The following MYCBP2 variants were observed in gnomAD, a reference collection of about 807,000 sequenced individuals.
MYCBP2 encodes E3 ubiquitin-protein ligase MYCBP2.
Under a neutral mutation model 525.3 loss-of-function variants are expected in MYCBP2, and 120 were observed. That is an observed-to-expected ratio of 0.23 (90% CI 0.20 to 0.27). The LOEUF is 0.27. Among genes scored for constraint, MYCBP2 ranks in the 10% least tolerant of loss-of-function variants. The probability of loss-of-function intolerance (pLI) is 1.00; values close to 1 mark genes in which losing one functional copy is unlikely to be tolerated. For synonymous variants in MYCBP2, 1,894 were observed against 1,955.8 expected (o/e 0.97, Z 0.83); for missense variants, 4,149 against 5,657.1 (o/e 0.73, Z 8.55).
chr13:77,069,689 T>C (rs183001190), intron 69 of MYCBP2, among the ~76,000 whole-genome samples: 16,452 of 132,566 alleles, frequency 0.12, 1,140 homozygotes, highest in Admixed American at 0.23. Flanking sequence ...ACCCCGTCTG[T>C]ACTAAAAAAA....
chr13:77,249,949 C>T (rs887438483), intron 15 of MYCBP2, among the ~76,000 whole-genome samples: 2 of 152,094 alleles, frequency 1.3e-5, no homozygotes, highest in East Asian at 1.9e-4. Flanking sequence ...CATGGCCGGG[C>T]GCGGTGGCTC....
In MYCBP2 at chr13:77,140,137, A is replaced by G. The variant is rs145213353; in HGVS notation, c.7428T>C (p.Ser2476=). The G allele has an allele frequency of 5.0e-5, 81 of 1,611,128 alleles. No homozygotes were observed. In the African/African-American group the frequency reaches 9.1e-4, roughly 18 times the overall value. Residue 2476 remains serine, a synonymous_variant, in exon 51 of 83, where the codon AGT becomes AGC. Coordinates refer to ENST00000544440, the MANE Select transcript of MYCBP2 (RefSeq NM_015057.5). ...GGTGGCTACGGATGCGAAGCCCCGC[A>G]CTGTCCTTGGCCACAAATTTTCGAA... The part of the protein sequence containing the change: ...NKVRKFVAKD[S]AGLRIRSHPS...
intron 18 of MYCBP2, among the ~76,000 whole-genome samples, chr13:77,226,695 C>A (rs1314518224): frequency 6.6e-6 from 1 of 152,096 alleles, no homozygotes; most frequent in Admixed American, 6.5e-5. Context: ...TTTTACCTAA[C>A]CTTTAGTAAC....
At chr13:77,198,803 A>G (rs1162348541) in intron 26 of MYCBP2, among the ~76,000 whole-genome samples, 2 of 152,180 alleles carry the variant, frequency 1.3e-5, no homozygotes, top group Non-Finnish European at 2.9e-5. Context: ...TACTACATCA[A>G]AATGTCCCTA....
At chr13:77,115,900 A>T (rs1183849997) in intron 55 of MYCBP2, among the ~76,000 whole-genome samples, 1 of 151,700 alleles carries the variant, frequency 6.6e-6, no homozygotes, top group Non-Finnish European at 1.5e-5. Flanking sequence ...AACAAAGCTA[A>T]TACTCTAGAT....
chr13:77,089,716 G>T (rs756405581), intron 60 of MYCBP2, among the ~76,000 whole-genome samples: 3 of 150,490 alleles, frequency 2.0e-5, no homozygotes, highest in Non-Finnish European at 3.0e-5. Flanking sequence ...TACTTAGAAT[G>T]ATGGCAGCTC....
intron 17 of MYCBP2, among the ~76,000 whole-genome samples, chr13:77,235,833 T>C (rs1478478403): frequency 1.3e-5 from 2 of 150,534 alleles, no homozygotes; most frequent in Non-Finnish European, 3.0e-5. Flanking sequence ...AGTGTAGAGA[T>C]AAAAGAAACC....
At chr13:77,078,440 T>C (rs2042704815) in intron 66 of MYCBP2, among the ~76,000 whole-genome samples, 1 of 152,204 alleles carries the variant, frequency 6.6e-6, no homozygotes, top group Admixed American at 6.5e-5. Context: ...TTATAAGTGT[T>C]ATAACAGACA....
intron 1 of MYCBP2, 54 bp from the exon 2 acceptor site, chr13:77,296,728 A>G (rs1365657198): frequency 1.7e-6 from 2 of 1,199,000 alleles, no homozygotes; most frequent in Non-Finnish European, 1.1e-6. Flanking sequence ...ATTAGGACAT[A>G]CAAAGCTATC....
intron 63 of MYCBP2, 89 bp from the exon 64 acceptor site, chr13:77,082,082 T>C: frequency 1.8e-6 from 2 of 1,110,390 alleles, no homozygotes; most frequent in Non-Finnish European, 2.5e-6. Flanking sequence ...GTAGCTAATA[T>C]CTCAAGAAAT....
chr13:77,070,791 T>A, intron 68 of MYCBP2, 80 bp from the exon 69 acceptor site: 1 of 833,446 alleles, frequency 1.2e-6, no homozygotes, highest in Non-Finnish European at 1.8e-6. Flanking sequence ...TATTTCAAAG[T>A]AACTTGAGAA....
At chr13:77,285,835 A>G (rs1346472433) in intron 3 of MYCBP2, among the ~76,000 whole-genome samples, 1 of 150,908 alleles carries the variant, frequency 6.6e-6, no homozygotes, top group Non-Finnish European at 1.5e-5. Context: ...AAGGAAAGGG[A>G]AAAGAAAAAA....
chr13:77,099,299 C>T (rs1168165594), intron 55 of MYCBP2: 7 of 331,922 alleles, frequency 2.1e-5, no homozygotes, highest in Non-Finnish European at 3.9e-5. Context: ...TGCCCTAGTG[C>T]AATAACTAGT....
At chr13:77,201,313 T>C (rs2062515395) in intron 26 of MYCBP2, among the ~76,000 whole-genome samples, 2 of 148,482 alleles carry the variant, frequency 1.3e-5, no homozygotes. Context: ...TACATAATGG[T>C]AAAGGGATCA....
chr13:77,101,234 A>T (rs1230756179), intron 55 of MYCBP2, among the ~76,000 whole-genome samples: 4 of 152,068 alleles, frequency 2.6e-5, no homozygotes, highest in Admixed American at 6.6e-5. Context: ...ATCCATCTGT[A>T]AACTGAAAGA....
At chr13:77,201,828 A>T (rs2062616824) in intron 26 of MYCBP2, among the ~76,000 whole-genome samples, 2 of 152,206 alleles carry the variant, frequency 1.3e-5, no homozygotes, top group African/African-American at 4.8e-5. Context: ...AGAAATAAAG[A>T]TGTTCTTTGA....
intron 37 of MYCBP2, among the ~76,000 whole-genome samples, 182 bp downstream of exon 37, chr13:77,174,129 T>C (rs1024808268): frequency 2.6e-5 from 4 of 152,260 alleles, no homozygotes; most frequent in African/African-American, 9.6e-5. Context: ...TTAACTTTTG[T>C]AGCAAACATT....
chr13:77,262,448 G>A (rs952221159), intron 10 of MYCBP2, among the ~76,000 whole-genome samples: 6 of 151,892 alleles, frequency 4.0e-5, no homozygotes, highest in African/African-American at 1.2e-4. Context: ...TTTATTGAGC[G>A]TTTATTAGGT....
Position 77,176,625 on chromosome 13 carries a change from C to T in MYCBP2, c.5344G>A (p.Glu1782Lys). 1 of 1,522,066 alleles carries T rather than the reference C, an allele frequency of 6.6e-7. No individual in the cohort carries two copies. Among genetic ancestry groups the T allele is most frequent in the Non-Finnish European group, 8.8e-7 (1 of 1,130,236 alleles). The allele number at this position is 1,522,066 out of a possible 1,614,324, so 94.3% of individuals were successfully genotyped here. ...GAATGAGTTGAATCTCCTGCATGTT[C>T]ACTCTAAAAAAAAAAAATGAAACAC... The part of the protein sequence containing the change: ...YELEVLVDDS[E>K]HAGDSTHSHR... Residue 1782 changes from glutamate to lysine, a missense_variant, in exon 36 of 83, where the codon GAA becomes AAA. Coordinates refer to ENST00000544440, the MANE Select transcript of MYCBP2 (RefSeq NM_015057.5).
Sources: gnomAD v4.1 joint callset for allele counts (sites outside exome capture counted in the v4.1 genomes callset) on GRCh38, gnomAD v4.1.1 for gene constraint, MANE v1.5 for transcripts, NCBI Gene and HGNC (gene_info 2026-07-23, HGNC 2026-07-21) for gene names.